PTPRD: variants seen among roughly 807,000 people sequenced by gnomAD.
The protein encoded by PTPRD is receptor-type tyrosine-protein phosphatase delta.
Under a neutral mutation model 214.5 loss-of-function variants are expected in PTPRD, and 34 were observed. The ratio of observed to expected loss-of-function variants is 0.16; its 90% confidence interval spans 0.12 to 0.21. PTPRD has a LOEUF of 0.21. Ranked by LOEUF, PTPRD falls within the 10% of genes least tolerant of loss-of-function variation. The pLI is 1.00. For synonymous variants in PTPRD, 1,128 were observed against 845.7 expected, an observed-to-expected ratio of 1.33 and a Z score of -5.79; for missense variants, 2,545 against 2,398.7, an observed-to-expected ratio of 1.06 and a Z score of -1.27.
chr9:10,190,900 T>G (rs569163658), intron 3 of PTPRD, among the ~76,000 whole-genome samples: 25 of 152,048 alleles, frequency 1.6e-4, no homozygotes, highest in Admixed American at 6.6e-4. Context: ...TAAGTAAATG[T>G]GAATCTAACT....
At position 10,282,217 on chromosome 9, in the gene PTPRD, T is replaced by C. The variant is rs538721676; in HGVS notation, c.-545+58746A>G. Among the ~76,000 whole-genome samples the C allele has an allele frequency of 2.0e-5, 3 of 152,270 alleles. No homozygotes were observed. The South Asian group carries it at 6.2e-4, about 32-fold the overall frequency. On this transcript the variant is annotated intron_variant, in intron 3 of 45. Coordinates refer to ENST00000381196, the MANE Select transcript of PTPRD (RefSeq NM_002839.4). The stretch of plus-strand genomic sequence containing the variant: ...ACTTAATATCCTTTGCTCTCTAAAA[T>C]GGGAATGATAACAATAACCTTATAG...
At chr9:8,960,976 G>T (rs569223743) in intron 11 of PTPRD, among the ~76,000 whole-genome samples, 11 of 152,106 alleles carry the variant, frequency 7.2e-5, no homozygotes, top group African/African-American at 2.6e-4. Context: ...AAGATGAAAA[G>T]AAAAATTCTA....
chr9:9,871,830 G>T (rs952812316), intron 5 of PTPRD, among the ~76,000 whole-genome samples: 8 of 152,122 alleles, frequency 5.3e-5, no homozygotes, highest in Non-Finnish European at 1.2e-4. Context: ...AAAGGGGCCT[G>T]GGGGGAGGGG....
At chr9:8,634,635 C>CT (rs1395308165) in intron 13 of PTPRD, among the ~76,000 whole-genome samples, 1 of 151,954 alleles carries the variant, frequency 6.6e-6, no homozygotes, top group Non-Finnish European at 1.5e-5. Context: ...TAAAATAAAT[C>CT]TACTATGCAT....
At chr9:9,414,598 C>G (rs898682207) in intron 8 of PTPRD, among the ~76,000 whole-genome samples, 6 of 152,058 alleles carry the variant, frequency 3.9e-5, no homozygotes, top group Admixed American at 2.0e-4. Context: ...ACAAACCAAC[C>G]CATCTTCATC....
chr9:10,555,965 A>C (rs191605260), intron 2 of PTPRD, among the ~76,000 whole-genome samples: 9 of 152,304 alleles, frequency 5.9e-5, no homozygotes, highest in Admixed American at 3.9e-4. Flanking sequence ...TAGTGAAGTA[A>C]AAATGAAATA....
intron 2 of PTPRD, among the ~76,000 whole-genome samples, chr9:10,372,532 T>A (rs12376179): frequency 6.6e-6 from 1 of 152,012 alleles, no homozygotes; most frequent in Non-Finnish European, 1.5e-5. Flanking sequence ...AATTTTACTT[T>A]GTCTGCCATT....
At chr9:9,103,700 G>A (rs1235986063) in intron 10 of PTPRD, among the ~76,000 whole-genome samples, 1 of 152,064 alleles carries the variant, frequency 6.6e-6, no homozygotes, top group Non-Finnish European at 1.5e-5. Context: ...GAGCAATTTG[G>A]CTGGGAATGG....
chr9:8,856,908 C>T (rs751372), intron 11 of PTPRD, among the ~76,000 whole-genome samples: 14,370 of 152,196 alleles, frequency 0.094, 744 homozygotes, highest in South Asian at 0.16. Context: ...TCTACACACC[C>T]ACATAAAAGC....
At chr9:8,673,523 T>G (rs2097331792) in intron 12 of PTPRD, among the ~76,000 whole-genome samples, 1 of 152,350 alleles carries the variant, frequency 6.6e-6, no homozygotes, top group South Asian at 2.1e-4. Flanking sequence ...TTACACTCTC[T>G]TAAGCCTTCC....
At chr9:10,010,107 C>G (rs10809002) in intron 4 of PTPRD, among the ~76,000 whole-genome samples, 77,277 of 151,534 alleles carry the variant, frequency 0.51, 22,006 homozygotes, top group Middle Eastern at 0.67. Flanking sequence ...ACAATCTAAT[C>G]GGTTGGTATT....
At position 10,404,900 on chromosome 9, in the gene PTPRD, T is replaced by C. The variant is rs192691550; in HGVS notation, c.-599-63883A>G. The stretch of plus-strand genomic sequence containing the variant: ...TTTCTTCCCTAGCCTTCTAAACTAC[T>C]GAGGAGAGTTGGCTAGTAAAAATGA... On this transcript the variant is annotated intron_variant, in intron 2 of 45. Coordinates refer to ENST00000381196, the MANE Select transcript of PTPRD (RefSeq NM_002839.4). Among the ~76,000 whole-genome samples the C allele has an allele frequency of 6.3e-5, 3 of 47,952 alleles. 1 individual carries two copies. Among genetic ancestry groups the C allele is most frequent in the East Asian group, 2.0e-3 (2 of 984 alleles). The allele number at this position is 47,952 out of a possible 152,430, so 31.5% of individuals were successfully genotyped here.
intron 3 of PTPRD, among the ~76,000 whole-genome samples, chr9:10,298,968 T>A (rs921732072): frequency 2.0e-5 from 3 of 152,094 alleles, no homozygotes; most frequent in African/African-American, 4.8e-5. Flanking sequence ...AGTTTCTTCA[T>A]CCGTAAACTA....
chr9:8,679,149 G>C (rs918405226), intron 12 of PTPRD, among the ~76,000 whole-genome samples: 1 of 152,164 alleles, frequency 6.6e-6, no homozygotes, highest in Non-Finnish European at 1.5e-5. Context: ...TCCATCTTTA[G>C]AGGCAGAAAC....
intron 11 of PTPRD, among the ~76,000 whole-genome samples, chr9:8,993,143 G>A (rs1431157662): frequency 6.6e-6 from 1 of 151,854 alleles, no homozygotes; most frequent in Non-Finnish European, 1.5e-5. Context: ...GCACAGATAG[G>A]GACTTATTTA....
At chr9:9,911,216 C>A (rs2079088474) in intron 5 of PTPRD, among the ~76,000 whole-genome samples, 1 of 152,030 alleles carries the variant, frequency 6.6e-6, no homozygotes. Flanking sequence ...CAACTATTAT[C>A]CTTGTCAGGA....
intron 4 of PTPRD, among the ~76,000 whole-genome samples, chr9:9,959,602 A>G (rs1195493482): frequency 4.6e-5 from 7 of 152,340 alleles, no homozygotes; most frequent in Admixed American, 3.3e-4. Context: ...AGAATGAGGT[A>G]GAAAGGTGCT....
chr9:8,661,479 T>C (rs1337397586), intron 12 of PTPRD, among the ~76,000 whole-genome samples: 1 of 152,088 alleles, frequency 6.6e-6, no homozygotes, highest in African/African-American at 2.4e-5. Flanking sequence ...AATTTTAATG[T>C]CTAGGAACAA....
At chr9:9,460,000 T>C (rs2093486443) in intron 8 of PTPRD, among the ~76,000 whole-genome samples, 1 of 151,920 alleles carries the variant, frequency 6.6e-6, no homozygotes, top group East Asian at 1.9e-4. Context: ...AATAGACACA[T>C]CGATCAACAG....
Sources: gnomAD v4.1 joint callset for allele counts (sites outside exome capture counted in the v4.1 genomes callset) on GRCh38, gnomAD v4.1.1 for gene constraint, MANE v1.5 for transcripts, NCBI Gene and HGNC (gene_info 2026-07-23, HGNC 2026-07-21) for gene names.